Variants in ERN1 observed in about 807,000 individuals in gnomAD.
The protein encoded by ERN1 is serine/threonine-protein kinase/endoribonuclease IRE1.
Under a neutral mutation model 113.1 loss-of-function variants are expected in ERN1, and 39 were observed. The ratio of observed to expected loss-of-function variants is 0.34; its 90% confidence interval spans 0.27 to 0.45. The LOEUF (loss-of-function observed/expected upper bound fraction) is 0.45. ERN1 is among the 20% of genes least tolerant of loss of function. The probability of loss-of-function intolerance (pLI) is 1.00; values close to 1 mark genes in which losing one functional copy is unlikely to be tolerated. For missense variants in ERN1, 976 were observed against 1,274.8 expected (o/e 0.77, Z 3.57); for synonymous variants, 507 against 515.9 (o/e 0.98, Z 0.23).
chr17:64,110,335 T>C (rs956654321), intron 1 of ERN1, among the ~76,000 whole-genome samples: 4 of 151,908 alleles, frequency 2.6e-5, no homozygotes, highest in Admixed American at 6.6e-5. Context: ...TTACCTTACA[T>C]ACTTATCATT....
chr17:64,052,710 A>T, intron 17 of ERN1, 70 bp downstream of exon 17: 1 of 1,426,302 alleles, frequency 7.0e-7, no homozygotes, highest in Non-Finnish European at 9.5e-7. Context: ...CCTGGAATTT[A>T]AAGGTTCTAC....
At chr17:64,081,036 GCTGGATAGAGAA>G (rs1913751108) in intron 2 of ERN1, among the ~76,000 whole-genome samples, 1 of 152,174 alleles carries the variant, frequency 6.6e-6, no homozygotes, top group Admixed American at 6.5e-5. Context: ...AGTTACTGAG[GCTGGATAGAGAA>G]CTGAGACCAG....
At chr17:64,057,358 T>TC (rs1180316818) in intron 12 of ERN1, among the ~76,000 whole-genome samples, 2 of 15,468 alleles carry the variant, frequency 1.3e-4, no homozygotes, top group Non-Finnish European at 0.014. Flanking sequence ...CACTGACTTT[T>TC]TTTTTCTTTT....
chr17:64,102,380 A>G (rs113855104), intron 1 of ERN1, among the ~76,000 whole-genome samples: 232 of 152,352 alleles, frequency 1.5e-3, no homozygotes, highest in African/African-American at 5.3e-3. Context: ...GAATTTGGCA[A>G]CTGAGAATTC....
rs184293445 is a variant in ERN1, at chr17:64,077,800, T to C, written c.282+1862A>G. Among the ~76,000 whole-genome samples, 1,326 of 151,606 alleles carry C rather than the reference T, an allele frequency of 8.7e-3. 18 individuals are homozygous for C. The highest frequency in any genetic ancestry group is 0.029 in the African/African-American group (1,215 of 41,296). ...TCGCTCTGTTGCCCAGGCTGGAGTG[T>C]AGTGGCGTGATCTCAGCTCACTGCA... is the stretch of plus-strand genomic sequence containing the variant. On this transcript the variant is annotated intron_variant, in intron 4 of 21. Coordinates refer to ENST00000433197, the MANE Select transcript of ERN1 (RefSeq NM_001433.5).
At chr17:64,078,271 T>A (rs1425858290) in intron 4 of ERN1, among the ~76,000 whole-genome samples, 1 of 152,252 alleles carries the variant, frequency 6.6e-6, no homozygotes, top group Non-Finnish European at 1.5e-5. Context: ...CATTTCCAAA[T>A]GACTAATAAA....
chr17:64,112,761 G>A (rs144404209), intron 1 of ERN1, among the ~76,000 whole-genome samples: 4 of 152,320 alleles, frequency 2.6e-5, no homozygotes, highest in African/African-American at 9.6e-5. Flanking sequence ...GCCCCTTCCC[G>A]CATGCCTTGC....
intron 17 of ERN1, among the ~76,000 whole-genome samples, chr17:64,050,982 T>C (rs564561168): frequency 5.3e-5 from 8 of 152,060 alleles, no homozygotes; most frequent in Non-Finnish European, 1.2e-4. Flanking sequence ...TGTGCTAGAA[T>C]AAGGTGCTCA....
At chr17:64,117,463 AAAAAG>A (rs1598090381) in intron 1 of ERN1, among the ~76,000 whole-genome samples, 1 of 152,234 alleles carries the variant, frequency 6.6e-6, no homozygotes, top group Admixed American at 6.5e-5. Flanking sequence ...AAAGAAAAAG[AAAAAG>A]AAAAGAAAAA....
Position 64,090,692 on chromosome 17 carries a change from T to A in ERN1, c.175+7429A>T, listed in dbSNP as rs149680837. On this transcript the variant is annotated intron_variant, in intron 2 of 21. Coordinates refer to ENST00000433197, the MANE Select transcript of ERN1 (RefSeq NM_001433.5). ...CCATCGGAGCTGAGATCCACGCTAC[T>A]ACGTGTGTGGCAGCTGCTAAGAGGA... Among the ~76,000 whole-genome samples the A allele has an allele frequency of 4.6e-5, 7 of 152,324 alleles. 1 individual carries two copies. The highest frequency in any genetic ancestry group is 2.0e-4 in the Admixed American group (3 of 15,296).
intron 1 of ERN1, among the ~76,000 whole-genome samples, chr17:64,104,343 C>G (rs1052345485): frequency 6.6e-6 from 1 of 152,224 alleles, no homozygotes; most frequent in Non-Finnish European, 1.5e-5. Context: ...TGCCTTGTTG[C>G]CCCCTGCAAT....
At chr17:64,085,846 C>T (rs529040566) in intron 2 of ERN1, among the ~76,000 whole-genome samples, 102 of 152,278 alleles carry the variant, frequency 6.7e-4, no homozygotes, top group African/African-American at 2.2e-3. Flanking sequence ...TGTTCTCACC[C>T]CTGTAGCTGA....
Position 64,044,051 on chromosome 17 carries a change from G to A in ERN1, c.2871C>T (p.Phe957=), listed in dbSNP as rs1156935822. The A allele has an allele frequency of 6.2e-7, 1 of 1,613,634 alleles. No homozygotes were observed. Among genetic ancestry groups the A allele is most frequent in the African/African-American group, 1.3e-5 (1 of 74,912 alleles). The change falls in exon 22 of 22, where the codon TTC becomes TTT. Residue 957 remains phenylalanine (F), a synonymous_variant. Coordinates refer to ENST00000433197, the MANE Select transcript of ERN1 (RefSeq NM_001433.5). The surrounding 1 kb of genome is among the most constrained non-coding windows in gnomAD (Gnocchi z 4.1). ...AMELCSHERL[F]QPYYFHEPPE... ...GGGGCTCGTGGAAGTAGTAGGGCTG[G>A]AAGAGTCTCTCGTGGCTGCACAGCT...
intron 15 of ERN1, 131 bp from the exon 16 acceptor site, chr17:64,053,502 T>C: frequency 1.9e-6 from 1 of 529,518 alleles, no homozygotes; most frequent in African/African-American, 2.0e-5. Flanking sequence ...AAATCCATGT[T>C]TTCCAGCAAG....
At chr17:64,115,698 G>C (rs772581812) in intron 1 of ERN1, among the ~76,000 whole-genome samples, 2 of 152,140 alleles carry the variant, frequency 1.3e-5, no homozygotes, top group African/African-American at 2.4e-5. Flanking sequence ...CATGAGTCTG[G>C]AACATATAGA....
intron 2 of ERN1, among the ~76,000 whole-genome samples, chr17:64,088,701 T>A (rs1162389298): frequency 1.3e-5 from 2 of 152,146 alleles, no homozygotes; most frequent in East Asian, 3.9e-4. Flanking sequence ...ACGAAGCTAA[T>A]ACACATGAAC....
At chr17:64,051,981 C>T (rs777100786) in intron 17 of ERN1, among the ~76,000 whole-genome samples, 6 of 152,152 alleles carry the variant, frequency 3.9e-5, no homozygotes, top group Non-Finnish European at 7.3e-5. Flanking sequence ...TACTTATATT[C>T]AAATGGTTCA....
At chr17:64,045,009 G>A (rs1912466562) in intron 20 of ERN1, 82 bp from the exon 21 acceptor site, 1 of 1,034,548 alleles carries the variant, frequency 9.7e-7, no homozygotes, top group Non-Finnish European at 1.5e-6. Context: ...TGGGGTCCTG[G>A]GATTAGGGAG....
intron 10 of ERN1, among the ~76,000 whole-genome samples, chr17:64,062,371 T>A (rs1262114700): frequency 6.6e-6 from 1 of 152,260 alleles, no homozygotes; most frequent in African/African-American, 2.4e-5. Flanking sequence ...AAAGGACATA[T>A]CTGGACATAG....
Sources: allele counts gnomAD v4.1 joint callset (sites outside exome capture counted in the v4.1 genomes callset), GRCh38; gene constraint gnomAD v4.1.1; non-coding constraint Gnocchi (gnomAD v3.1); transcripts MANE v1.5; gene names NCBI Gene and HGNC (gene_info 2026-07-23, HGNC 2026-07-21).